Variants in ASTN2 observed in about 807,000 individuals in gnomAD.
The protein encoded by ASTN2 is astrotactin 2, also known as astrotactin-2.
In ASTN2, 54 loss-of-function variants were observed where a neutral mutation model predicts 139.8. That is an observed-to-expected ratio of 0.39 (90% CI 0.31 to 0.48). The LOEUF is 0.48. ASTN2 is among the 20% of genes least tolerant of loss of function. The probability of loss-of-function intolerance (pLI) is 0.95; values close to 1 mark genes in which losing one functional copy is unlikely to be tolerated. For synonymous variants in ASTN2, 756 were observed against 719.5 expected (o/e 1.05, Z -0.81); for missense variants, 1,565 against 1,725.1 (o/e 0.91, Z 1.64).
intron 6 of ASTN2, among the ~76,000 whole-genome samples, chr9:117,029,559 A>C (rs983190247): frequency 6.6e-6 from 1 of 152,078 alleles, no homozygotes; most frequent in African/African-American, 2.4e-5. Flanking sequence ...TTGACTTGGC[A>C]TGTCCCACCA....
In ASTN2 at chr9:116,714,417, C is replaced by A. The variant is rs529490708; in HGVS notation, c.2806+11354G>T. Among the ~76,000 whole-genome samples the A allele has an allele frequency of 3.8e-4, 58 of 152,264 alleles. No individual in the cohort carries two copies. In the South Asian group the frequency reaches 8.7e-3, roughly 23 times the overall value. On this transcript the variant is annotated intron_variant, in intron 16 of 22. Coordinates refer to ENST00000313400, the MANE Select transcript of ASTN2 (RefSeq NM_001365068.1). ...TGAGAAAACTAACAGTAATAATAAT[C>A]ATTATTGGCTTAATTATGTCTCATG...
chr9:117,187,566 G>A (rs1176139603), intron 3 of ASTN2, among the ~76,000 whole-genome samples: 1 of 152,122 alleles, frequency 6.6e-6, no homozygotes, highest in Admixed American at 6.5e-5. Flanking sequence ...TTAATGGGTT[G>A]TCATGAGAAT....
At chr9:117,012,680 C>G (rs1412108554) in intron 6 of ASTN2, among the ~76,000 whole-genome samples, 1 of 152,154 alleles carries the variant, frequency 6.6e-6, no homozygotes, top group Admixed American at 6.5e-5. Flanking sequence ...TAAGCTATAC[C>G]TTGAAGGATG....
In ASTN2 at chr9:117,066,137, T is replaced by G. The variant is rs538478334; in HGVS notation, c.1277-26172A>C. ...CACCCACTAACTCGTCATCTAGCATTAGGTATATCTCCCAATGCTATCCCT... is the reference window on the plus strand; with the variant it reads ...CACCCACTAACTCGTCATCTAGCATGAGGTATATCTCCCAATGCTATCCCT... On this transcript the variant is annotated intron_variant, in intron 5 of 22. Transcript: ENST00000313400. 4.9e-5 allele frequency among the ~76,000 whole-genome samples: 7 copies of G among 142,210 alleles called. No individual in the cohort carries two copies. The South Asian group carries it at 1.8e-3, about 36-fold the overall frequency. 93.3% of individuals were successfully genotyped at this position (142,210 alleles called of 152,430 possible).
chr9:116,897,123 C>CA (rs1833898068), intron 10 of ASTN2, among the ~76,000 whole-genome samples: 1 of 152,100 alleles, frequency 6.6e-6, no homozygotes, highest in Non-Finnish European at 1.5e-5. Context: ...CACCTGCTCC[C>CA]AAAAAAATAA....
chr9:116,550,620 A>G (rs1400156956), intron 19 of ASTN2, among the ~76,000 whole-genome samples: 20 of 152,156 alleles, frequency 1.3e-4, no homozygotes, highest in Admixed American at 1.0e-3. Flanking sequence ...GTGCTGCAAT[A>G]TAAGGATGTT....
rs79245839 is a variant in ASTN2, at chr9:116,874,535, T to C, written c.1890-10802A>G. 8.7e-3 allele frequency among the ~76,000 whole-genome samples: 1,328 copies of C among 152,280 alleles called. 10 individuals carry two copies. The highest frequency in any genetic ancestry group is 0.041 in the Middle Eastern group (12 of 294). On this transcript the variant is annotated intron_variant, in intron 10 of 22. Coordinates refer to ENST00000313400, the MANE Select transcript of ASTN2 (RefSeq NM_001365068.1). The stretch of plus-strand genomic sequence containing the variant: ...TTGTAATGTCTGTTGTCCATCTGTG[T>C]GATGGAGGCAATAATATTCAACTCA...
chr9:117,279,600 A>AT (rs2133140786), intron 2 of ASTN2, among the ~76,000 whole-genome samples: 1 of 152,336 alleles, frequency 6.6e-6, no homozygotes, highest in Non-Finnish European at 1.5e-5. Context: ...CAAAGTCAAC[A>AT]TTCTTGTTTT....
intron 4 of ASTN2, among the ~76,000 whole-genome samples, chr9:117,108,602 CA>C (rs1829168781): frequency 6.6e-6 from 1 of 152,094 alleles, no homozygotes; most frequent in Non-Finnish European, 1.5e-5. Flanking sequence ...TTCAAATAAA[CA>C]CATGCAGAAA....
At chr9:117,198,475 A>T (rs1366642051) in intron 3 of ASTN2, among the ~76,000 whole-genome samples, 3 of 152,080 alleles carry the variant, frequency 2.0e-5, no homozygotes, top group Non-Finnish European at 4.4e-5. Context: ...GGTTTGTTAC[A>T]TAGGTATATA....
At chr9:116,813,829 G>T (rs2132259220) in intron 12 of ASTN2, among the ~76,000 whole-genome samples, 1 of 152,176 alleles carries the variant, frequency 6.6e-6, no homozygotes, top group South Asian at 2.1e-4. Flanking sequence ...GAGGTCAGGA[G>T]TTCAAGACCA....
intron 10 of ASTN2, among the ~76,000 whole-genome samples, chr9:116,924,328 G>A (rs553572899): frequency 6.6e-6 from 1 of 150,654 alleles, no homozygotes; most frequent in Non-Finnish European, 1.5e-5. Flanking sequence ...TACTCAGGTG[G>A]CTGAGGCAGG....
chr9:116,643,852 C>G (rs1050779508), intron 17 of ASTN2, among the ~76,000 whole-genome samples: 4 of 152,156 alleles, frequency 2.6e-5, no homozygotes, highest in African/African-American at 4.8e-5. Flanking sequence ...ATTGGAATGT[C>G]TATTGCACTA....
At chr9:116,758,423 T>C (rs1829589208) in intron 13 of ASTN2, among the ~76,000 whole-genome samples, 1 of 152,078 alleles carries the variant, frequency 6.6e-6, no homozygotes, top group Admixed American at 6.5e-5. Context: ...GGGTCACTGG[T>C]ATGACAGAGG....
chr9:117,093,491 CATGCTTTTAGTACT>C (rs1828757819), intron 5 of ASTN2, among the ~76,000 whole-genome samples: 1 of 152,134 alleles, frequency 6.6e-6, no homozygotes, highest in Non-Finnish European at 1.5e-5. Flanking sequence ...CACCAGAATC[CATGCTTTTAGTACT>C]ATGCTCTGTT....
intron 19 of ASTN2, among the ~76,000 whole-genome samples, chr9:116,512,065 T>C (rs1850412837): frequency 6.6e-6 from 1 of 152,234 alleles, no homozygotes; most frequent in South Asian, 2.1e-4. Context: ...GTGTTTGCTC[T>C]TGCTTCTCTA....
At chr9:116,650,874 A>G (rs1243670703) in intron 17 of ASTN2, among the ~76,000 whole-genome samples, 2 of 150,358 alleles carry the variant, frequency 1.3e-5, no homozygotes, top group African/African-American at 4.9e-5. Flanking sequence ...TTGTGGAAGC[A>G]TCAGGTCAAT....
At chr9:116,548,602 A>G (rs4836747) in intron 19 of ASTN2, among the ~76,000 whole-genome samples, 17,664 of 151,760 alleles carry the variant, frequency 0.12, 1,158 homozygotes, top group Middle Eastern at 0.18. Flanking sequence ...CCTCCTGAGT[A>G]TCTGGGATTA....
chr9:116,689,844 G>C (rs1860475052), intron 16 of ASTN2, among the ~76,000 whole-genome samples: 1 of 152,134 alleles, frequency 6.6e-6, no homozygotes, highest in Non-Finnish European at 1.5e-5. Flanking sequence ...AGGTGCAACG[G>C]ACTATAGGGT....
Sources: allele counts gnomAD v4.1 joint callset (sites outside exome capture counted in the v4.1 genomes callset), GRCh38; gene constraint gnomAD v4.1.1; transcripts MANE v1.5; gene names NCBI Gene and HGNC (gene_info 2026-07-23, HGNC 2026-07-21).